Variants in GPATCH1 observed in about 807,000 individuals in gnomAD.
The protein encoded by GPATCH1 is G-patch domain containing 1.
A neutral mutation model predicts 114.9 loss-of-function variants in GPATCH1; 73 were observed. That is an observed-to-expected ratio of 0.64 (90% CI 0.53 to 0.77). The LOEUF (loss-of-function observed/expected upper bound fraction) is 0.77. GPATCH1 is among the 30% of genes least tolerant of loss of function. The pLI is 0.00. For synonymous variants in GPATCH1, 391 were observed against 428.4 expected, an observed-to-expected ratio of 0.91 and a Z score of 1.08; for missense variants, 1,058 against 1,144.3, an observed-to-expected ratio of 0.92 and a Z score of 1.09.
At chr19:33,105,264 TC>T (rs1972770454) in intron 9 of GPATCH1, among the ~76,000 whole-genome samples, 2 of 151,148 alleles carry the variant, frequency 1.3e-5, no homozygotes, top group Non-Finnish European at 2.9e-5. Flanking sequence ...AAACCCCGTC[TC>T]TACTAAAAAT....
chr19:33,107,967 A>G (rs900401775), intron 10 of GPATCH1, among the ~76,000 whole-genome samples: 2 of 151,914 alleles, frequency 1.3e-5, no homozygotes, highest in African/African-American at 2.4e-5. Flanking sequence ...CGTCATTTAC[A>G]TAAGGTATAT....
intron 11 of GPATCH1, among the ~76,000 whole-genome samples, chr19:33,110,926 C>T (rs1006493698): frequency 8.6e-5 from 13 of 150,382 alleles, no homozygotes; most frequent in Non-Finnish European, 1.9e-4. Context: ...TCAAGACCAG[C>T]CTGGGCAACA....
chr19:33,121,152 ACT>A (rs1972979423), intron 17 of GPATCH1, among the ~76,000 whole-genome samples: 1 of 151,468 alleles, frequency 6.6e-6, no homozygotes, highest in East Asian at 1.9e-4. Flanking sequence ...ACAGGGTCTC[ACT>A]CTGTCACCTA....
chr19:33,103,916 G>A (rs1335214781), intron 9 of GPATCH1, among the ~76,000 whole-genome samples: 8 of 152,050 alleles, frequency 5.3e-5, no homozygotes, highest in African/African-American at 9.7e-5. Flanking sequence ...CTTTGGGCAG[G>A]AACACTTCAG....
In GPATCH1 at chr19:33,081,344, G is replaced by T. The variant is rs905935402; in HGVS notation, c.73+78G>T. ...GATTCGGGCCACAAAAGCACAAGTCGGTGCTGGACCATTGTTAGATCGTTC... is the reference window on the plus strand; with the variant it reads ...GATTCGGGCCACAAAAGCACAAGTCTGTGCTGGACCATTGTTAGATCGTTC... On this transcript the variant is annotated intron_variant, in intron 1 of 19. Coordinates refer to ENST00000170564, the MANE Select transcript of GPATCH1 (RefSeq NM_018025.3). 14 of 1,209,716 alleles carry T rather than the reference G, an allele frequency of 1.2e-5. No individual in the cohort carries two copies. In the African/African-American group the frequency reaches 1.5e-4, roughly 13 times the overall value. 74.9% of individuals were successfully genotyped at this position (1,209,716 alleles called of 1,614,324 possible).
chr19:33,109,621 A>T, intron 10 of GPATCH1, 96 bp from the exon 11 acceptor site: 1 of 693,288 alleles, frequency 1.4e-6, no homozygotes, highest in Non-Finnish European at 2.4e-6. Flanking sequence ...ATCCCCAATT[A>T]TGTAAATTTG....
At chr19:33,097,687 C>A in intron 7 of GPATCH1, 68 bp from the exon 8 acceptor site, 2 of 1,413,534 alleles carry the variant, frequency 1.4e-6, no homozygotes, top group Non-Finnish European at 2.0e-6. Context: ...CTTAAAGTAG[C>A]TTTATCCCTG....
intron 8 of GPATCH1, among the ~76,000 whole-genome samples, chr19:33,098,943 G>A (rs1290031071): frequency 6.7e-6 from 1 of 150,372 alleles, no homozygotes; most frequent in East Asian, 1.9e-4. Flanking sequence ...TTTCCCCTGA[G>A]TCATTTAGCT....
intron 1 of GPATCH1, among the ~76,000 whole-genome samples, chr19:33,083,425 C>T (rs1419517591): frequency 1.3e-5 from 2 of 148,678 alleles, no homozygotes; most frequent in Admixed American, 6.7e-5. Context: ...GACAGAGTCA[C>T]GCTCTGTTGT....
chr19:33,119,236 A>AG, intron 17 of GPATCH1, 119 bp downstream of exon 17: 2 of 540,402 alleles, frequency 3.7e-6, no homozygotes, highest in Non-Finnish European at 6.5e-6. Context: ...ATATGTTTTC[A>AG]GTCATATTTT....
At chr19:33,125,654 G>T (rs2145342364) in intron 18 of GPATCH1, among the ~76,000 whole-genome samples, 1 of 152,120 alleles carries the variant, frequency 6.6e-6, no homozygotes, top group Middle Eastern at 3.4e-3. Flanking sequence ...GCGATTACAG[G>T]CATGAGGCAC....
intron 9 of GPATCH1, among the ~76,000 whole-genome samples, chr19:33,103,247 G>A (rs1370243362): frequency 6.6e-6 from 1 of 152,192 alleles, no homozygotes; most frequent in Non-Finnish European, 1.5e-5. Flanking sequence ...GGACACGGGA[G>A]GCCAGGGGAC....
Position 33,109,805 on chromosome 19 carries a change from T to C in GPATCH1, c.1374T>C (p.Ala458=). 6.2e-7 allele frequency: 1 copy of C among 1,612,978 alleles called. No individual in the cohort carries two copies. The highest frequency in any genetic ancestry group is 8.5e-7 in the Non-Finnish European group (1 of 1,179,360). ...AGCAGGCAACTGACCTGAAAGCAGCTCAGCTCAAGGCCAGGAGTCTGGCCC... is the reference window on the plus strand; with the variant it reads ...AGCAGGCAACTGACCTGAAAGCAGCCCAGCTCAAGGCCAGGAGTCTGGCCC... The part of the protein sequence containing the change: ...EMKQATDLKA[A]QLKARSLAQN... Residue 458 remains alanine (A), a synonymous_variant, in exon 11 of 20, where the codon GCT becomes GCC. Coordinates refer to ENST00000170564, the MANE Select transcript of GPATCH1 (RefSeq NM_018025.3).
intron 17 of GPATCH1, among the ~76,000 whole-genome samples, chr19:33,119,809 C>T (rs1972956970): frequency 6.6e-6 from 1 of 151,120 alleles, no homozygotes; most frequent in South Asian, 2.1e-4. Flanking sequence ...TGCTTGAGGT[C>T]AGGAGTTTGA....
intron 17 of GPATCH1, among the ~76,000 whole-genome samples, chr19:33,123,381 C>T (rs1973006775): frequency 6.9e-6 from 1 of 144,216 alleles, no homozygotes; most frequent in Non-Finnish European, 1.5e-5. Flanking sequence ...GCCTGGGCAA[C>T]AAGAGTGAAA....
At chr19:33,122,614 C>T (rs112480947) in intron 17 of GPATCH1, among the ~76,000 whole-genome samples, 2 of 152,086 alleles carry the variant, frequency 1.3e-5, no homozygotes, top group African/African-American at 2.4e-5. Context: ...TGAGCCACCA[C>T]GCCCGGCCGG....
rs367726027 is a variant in GPATCH1 at position 33,099,684 on chromosome 19, C to T, written c.1000+1782C>T. On this transcript the variant is annotated intron_variant, in intron 8 of 19. Coordinates refer to ENST00000170564, the MANE Select transcript of GPATCH1 (RefSeq NM_018025.3). ...CATGATCTCGGCTCACTGCAACCTC[C>T]GTCCCCCGGGTTCAAGCGATTCTCT... Among the ~76,000 whole-genome samples, 38 of 151,914 alleles carry T rather than the reference C, an allele frequency of 2.5e-4. No individual in the cohort carries two copies. In the East Asian group the frequency reaches 5.8e-3, roughly 23 times the overall value.
At chr19:33,108,324 C>T (rs114476450) in intron 10 of GPATCH1, among the ~76,000 whole-genome samples, 2,148 of 152,266 alleles carry the variant, frequency 0.014, 45 homozygotes, top group African/African-American at 0.049. Context: ...AGGCCCTGTG[C>T]GGCCCCGCCC....
Position 33,125,187 on chromosome 19 carries a change from G to A in GPATCH1, c.2604G>A (p.Arg868=). ...KDKHKAKKEH[R]RKKEKKKKHR... ...AGCACAAGGCCAAGAAAGAGCACAGGCGGAAGAAAGAGAAGGTGAGAGACT... is the reference window on the plus strand; with the variant it reads ...AGCACAAGGCCAAGAAAGAGCACAGACGGAAGAAAGAGAAGGTGAGAGACT... Residue 868 remains arginine (R), a synonymous_variant, in exon 18 of 20, where the codon AGG becomes AGA. Coordinates refer to ENST00000170564, the MANE Select transcript of GPATCH1 (RefSeq NM_018025.3). 6.3e-7 allele frequency: 1 copy of A among 1,593,810 alleles called. No homozygotes were observed. The highest frequency in any genetic ancestry group is 8.5e-7 in the Non-Finnish European group (1 of 1,170,204).
Sources: gnomAD v4.1 joint callset for allele counts (sites outside exome capture counted in the v4.1 genomes callset) on GRCh38, gnomAD v4.1.1 for gene constraint, MANE v1.5 for transcripts, NCBI Gene and HGNC (gene_info 2026-07-23, HGNC 2026-07-21) for gene names.